The following CEP350 variants were observed in gnomAD, a reference collection of about 807,000 sequenced individuals.
CEP350 encodes centrosomal protein 350.
A neutral mutation model predicts 331.8 loss-of-function variants in CEP350; 126 were observed. The ratio of observed to expected loss-of-function variants is 0.38; its 90% CI spans 0.33 to 0.44. The LOEUF (loss-of-function observed/expected upper bound fraction) is 0.44. Ranked by LOEUF, CEP350 falls within the 20% of genes least tolerant of loss-of-function variation. The pLI, the probability that CEP350 is intolerant of heterozygous loss-of-function variation, is 1.00. For synonymous variants in CEP350, 1,200 were observed against 1,259.5 expected, an observed-to-expected ratio of 0.95 and a Z score of 1.00; for missense variants, 3,406 against 3,634.6, an observed-to-expected ratio of 0.94 and a Z score of 1.62.
chr1:180,082,857 A>G (rs1314555531), intron 30 of CEP350, among the ~76,000 whole-genome samples: 1 of 152,218 alleles, frequency 6.6e-6, no homozygotes, highest in Non-Finnish European at 1.5e-5. Context: ...TACCAAAATA[A>G]TAATAATTTT....
At chr1:179,983,248 T>G (rs1189669878) in intron 1 of CEP350, among the ~76,000 whole-genome samples, 7 of 152,152 alleles carry the variant, frequency 4.6e-5, no homozygotes, top group African/African-American at 1.7e-4. Context: ...GGAACTTTTT[T>G]TTTTGAGACG....
intron 12 of CEP350, among the ~76,000 whole-genome samples, 192 bp downstream of exon 12, chr1:180,021,201 A>T (rs550473141): frequency 2.6e-5 from 4 of 152,192 alleles, no homozygotes; most frequent in Non-Finnish European, 4.4e-5. Context: ...AATCTTTAAA[A>T]TTTCATTTTA....
chr1:180,094,833 A>G (rs1660388836), intron 34 of CEP350, among the ~76,000 whole-genome samples: 1 of 152,106 alleles, frequency 6.6e-6, no homozygotes, highest in South Asian at 2.1e-4. Context: ...TTATGTCATG[A>G]GTAGTCAATA....
rs1261131832 is a variant in CEP350 at position 180,053,130 on chromosome 1, A to T, written c.4953A>T (p.Glu1651Asp). ...RRGHHDDSDE[E>D]ASPEKTTLST... ...GTCATCATGATGACTCTGATGAAGA[A>T]GCTTCTCCAGAAAAAACTACACTGT... Residue 1651 changes from glutamate to aspartate, a missense_variant, in exon 23 of 38, where the codon GAA (glutamate) becomes GAT (aspartate). Around this residue, in one of 5 missense-constraint regions of CEP350, gnomAD observed 104 missense variants for 143.3 expected, o/e 0.73. Transcript: ENST00000367607. 1.3e-6 allele frequency: 2 copies of T among 1,599,362 alleles called. No individual in the cohort carries two copies. Among genetic ancestry groups the T allele is most frequent in the African/African-American group, 1.4e-5 (1 of 74,006 alleles).
chr1:180,079,367 T>C (rs1659424253), intron 29 of CEP350, among the ~76,000 whole-genome samples: 1 of 152,040 alleles, frequency 6.6e-6, no homozygotes, highest in Non-Finnish European at 1.5e-5. Flanking sequence ...GAATATTCTT[T>C]GTTGGAGTCT....
chr1:179,955,217 T>G, intron 1 of CEP350, 75 bp downstream of exon 1: 1 of 1,178,418 alleles, frequency 8.5e-7, no homozygotes, highest in Admixed American at 4.3e-5. Context: ...CGGTCCCGGG[T>G]CCCCGGTGGC....
At position 180,078,497 on chromosome 1, in the gene CEP350, G is replaced by A. The variant is rs776244581; in HGVS notation, c.5802G>A (p.Leu1934=). Reference sequence around the variant, plus strand: ...GTGAAGAGGAATCTCCAGTACCTCTGTACTCTCATCTAAACAGTGAAAGCT... The same window carrying A: ...GTGAAGAGGAATCTCCAGTACCTCTATACTCTCATCTAAACAGTGAAAGCT... ...IASEEESPVP[L]YSHLNSESSI... The change falls in exon 29 of 38, where the codon CTG becomes CTA. Residue 1934 remains leucine, a synonymous_variant. Transcript: ENST00000367607. The A allele has an allele frequency of 8.7e-6, 14 of 1,613,290 alleles. No homozygotes were observed. In the African/African-American group the frequency reaches 1.7e-4, roughly 20 times the overall value.
In CEP350 at chr1:180,111,460, T is replaced by C; in HGVS notation, c.*299T>C. ...GAGGGCCAGAAACACCTGACTTACC[T>C]CTGAGTTTAGACTAGGGTATCACTT... On this transcript the variant is annotated 3_prime_UTR_variant, in exon 38 of 38. Coordinates refer to ENST00000367607, the MANE Select transcript of CEP350 (RefSeq NM_014810.5). 4.1e-6 allele frequency: 1 copy of C among 241,484 alleles called. No homozygotes were observed. The highest frequency in any genetic ancestry group is 8.8e-5 in the East Asian group (1 of 11,396). 15.0% of individuals were successfully genotyped at this position (241,484 alleles called of 1,614,324 possible). A position where few individuals can be genotyped will look rare whatever the true frequency, so the allele number is the denominator to read the frequency against.
At chr1:180,024,987 T>C (rs4617365) in intron 14 of CEP350, among the ~76,000 whole-genome samples, 121,662 of 150,642 alleles carry the variant, frequency 0.81, 49,456 homozygotes, top group Admixed American at 0.87. Context: ...TGCAGTGGCG[T>C]GATCTTGGCT....
At chr1:180,092,217 A>G (rs1039955264) in intron 33 of CEP350, among the ~76,000 whole-genome samples, 2 of 152,222 alleles carry the variant, frequency 1.3e-5, no homozygotes, top group Non-Finnish European at 2.9e-5. Context: ...AGGAAAATGT[A>G]TTCTTTTAGA....
chr1:180,025,959 T>A (rs1440935288), intron 14 of CEP350, among the ~76,000 whole-genome samples: 1 of 152,072 alleles, frequency 6.6e-6, no homozygotes, highest in African/African-American at 2.4e-5. Flanking sequence ...CTAAAAGTCT[T>A]CAGGGGGTGG....
intron 1 of CEP350, among the ~76,000 whole-genome samples, chr1:179,977,494 A>G (rs1397760980): frequency 6.6e-6 from 1 of 152,194 alleles, no homozygotes; most frequent in Non-Finnish European, 1.5e-5. Context: ...CAAATTGGTA[A>G]TAGTTTATTC....
chr1:180,061,517 T>A (rs1024229623), intron 25 of CEP350, among the ~76,000 whole-genome samples: 3 of 152,198 alleles, frequency 2.0e-5, no homozygotes, highest in Non-Finnish European at 4.4e-5. Context: ...TAAAACAAAT[T>A]TATTTTTTAA....
chr1:180,021,647 G>A (rs1409448040), intron 12 of CEP350, among the ~76,000 whole-genome samples: 2 of 145,284 alleles, frequency 1.4e-5, no homozygotes, highest in Non-Finnish European at 3.0e-5. Context: ...GACAGAGCGA[G>A]ACTCCTCAAA....
At chr1:180,089,161 A>T (rs1200903281) in intron 32 of CEP350, among the ~76,000 whole-genome samples, 2 of 152,254 alleles carry the variant, frequency 1.3e-5, no homozygotes, top group African/African-American at 4.8e-5. Context: ...CTTTCTGACC[A>T]CAATACAGAG....
At chr1:180,079,703 T>G (rs1262384810) in intron 29 of CEP350, among the ~76,000 whole-genome samples, 2 of 152,084 alleles carry the variant, frequency 1.3e-5, no homozygotes, top group Non-Finnish European at 2.9e-5. Context: ...TCAAACTGCC[T>G]TTATACAATC....
At chr1:179,993,208 C>A (rs938563905) in intron 5 of CEP350, among the ~76,000 whole-genome samples, 2 of 150,230 alleles carry the variant, frequency 1.3e-5, no homozygotes, top group East Asian at 4.0e-4. Flanking sequence ...GAAAGAAGGT[C>A]AGGGGTATAA....
At chr1:179,968,663 C>G (rs1330448993) in intron 1 of CEP350, 2 of 456,134 alleles carry the variant, frequency 4.4e-6, no homozygotes, top group Non-Finnish European at 8.4e-6. Flanking sequence ...TAAAGGGAAA[C>G]TTTTACAATA....
chr1:179,987,258 G>T lies in CEP350; in HGVS notation c.92G>T (p.Trp31Leu). 6.4e-7 allele frequency: 1 copy of T among 1,561,468 alleles called. No individual in the cohort carries two copies. Among genetic ancestry groups the T allele is most frequent in the Non-Finnish European group, 8.8e-7 (1 of 1,139,866 alleles). The change falls in exon 3 of 38, where the codon TGG becomes TTG. Residue 31 changes from tryptophan to leucine, a missense_variant. Trp to Leu is a moderately conservative substitution (Grantham distance 61). Coordinates refer to ENST00000367607, the MANE Select transcript of CEP350 (RefSeq NM_014810.5). ...DTVQADITTS[W>L]DALSQTKAAL... ...TTCCCAGCAGATATAACCACATCGT[G>T]GGATGCACTTTCTCAAACCAAGGCT...
Sources: gnomAD v4.1 joint callset for allele counts (sites outside exome capture counted in the v4.1 genomes callset) on GRCh38, gnomAD v4.1.1 for gene constraint, gnomAD v4.1.1 regional missense constraint, MANE v1.5 for transcripts, NCBI Gene and HGNC (gene_info 2026-07-23, HGNC 2026-07-21) for gene names.